PAK5: variants seen among roughly 807,000 people sequenced by gnomAD.
PAK5 encodes p21 (RAC1) activated kinase 5.
PAK5 carries 16 observed loss-of-function variants against 65.9 expected under a neutral mutation model. The observed-to-expected ratio is 0.24, with a 90% CI of 0.16 to 0.37. The LOEUF is 0.37. Ranked by LOEUF, PAK5 falls within the 10% of genes least tolerant of loss-of-function variation. The pLI is 1.00. For synonymous variants in PAK5, 371 were observed against 354.9 expected (o/e 1.05, Z -0.51); for missense variants, 785 against 903.9 (o/e 0.87, Z 1.69).
intron 2 of PAK5, among the ~76,000 whole-genome samples, chr20:9,658,648 G>GT (rs531101518): frequency 6.6e-6 from 1 of 152,132 alleles, no homozygotes; most frequent in South Asian, 2.1e-4. Context: ...ACCACAATAA[G>GT]TAACAGTGGC....
chr20:9,788,477 A>G (rs1455859251), intron 1 of PAK5, among the ~76,000 whole-genome samples: 1 of 152,090 alleles, frequency 6.6e-6, no homozygotes, highest in African/African-American at 2.4e-5. Context: ...AATTCCAAAG[A>G]GGGAATATGA....
chr20:9,685,250 T>C (rs1463870295), intron 2 of PAK5, among the ~76,000 whole-genome samples: 1 of 152,222 alleles, frequency 6.6e-6, no homozygotes, highest in Non-Finnish European at 1.5e-5. Flanking sequence ...TGGTGACTGG[T>C]GTCTGAGTGG....
In PAK5 at chr20:9,538,638, C is replaced by T. The variant is rs1310912004; in HGVS notation, c.*824G>A. On this transcript the variant is annotated 3_prime_UTR_variant, in exon 10 of 10. Transcript: ENST00000353224. ...TTGTGGTGTGCAAAAGAATGGTTTG[C>T]TACTAGAGGCGTTCATGGAAAATGT... 4.3e-6 allele frequency: 1 copy of T among 233,240 alleles called. No homozygotes were observed. Among genetic ancestry groups the T allele is most frequent in the Non-Finnish European group, 8.5e-6 (1 of 117,800 alleles). 14.4% of individuals were successfully genotyped at this position (233,240 alleles called of 1,614,324 possible).
intron 4 of PAK5, among the ~76,000 whole-genome samples, chr20:9,571,552 C>A (rs1032891392): frequency 1.3e-5 from 2 of 152,216 alleles, no homozygotes; most frequent in African/African-American, 4.8e-5. Context: ...GCCCACAGGC[C>A]GGCTCCCTTG....
chr20:9,544,869 C>T (rs1208363522), intron 7 of PAK5, among the ~76,000 whole-genome samples: 2 of 152,186 alleles, frequency 1.3e-5, no homozygotes, highest in Non-Finnish European at 2.9e-5. Flanking sequence ...ACATAAGTTG[C>T]TATTCTTAAT....
chr20:9,618,381 G>A (rs1278711860), intron 3 of PAK5, among the ~76,000 whole-genome samples: 1 of 151,132 alleles, frequency 6.6e-6, no homozygotes, highest in African/African-American at 2.4e-5. Context: ...TGATACACAG[G>A]ACAGACTATT....
At chr20:9,556,054 A>G (rs73241773) in intron 7 of PAK5, among the ~76,000 whole-genome samples, 1,907 of 152,346 alleles carry the variant, frequency 0.013, 36 homozygotes, top group African/African-American at 0.042. Context: ...AGGAGTCAGC[A>G]CAAATACTGG....
intron 1 of PAK5, among the ~76,000 whole-genome samples, chr20:9,808,342 T>A (rs895992635): frequency 1.4e-4 from 22 of 152,178 alleles, no homozygotes; most frequent in African/African-American, 4.6e-4. Context: ...TGAAAACAGT[T>A]TGGCCGTTCC....
intron 5 of PAK5, among the ~76,000 whole-genome samples, chr20:9,563,813 C>T (rs746954010): frequency 5.9e-5 from 9 of 152,132 alleles, no homozygotes; most frequent in Non-Finnish European, 1.2e-4. Context: ...AGCCCAGTCA[C>T]CTGGAACTCT....
chr20:9,686,108 G>A (rs1335342794), intron 2 of PAK5, among the ~76,000 whole-genome samples: 1 of 152,178 alleles, frequency 6.6e-6, no homozygotes, highest in Non-Finnish European at 1.5e-5. Flanking sequence ...AAATTCTTCA[G>A]TAATAGAATC....
intron 1 of PAK5, among the ~76,000 whole-genome samples, chr20:9,735,951 GA>G (rs1448422656): frequency 2.7e-5 from 4 of 150,584 alleles, no homozygotes; most frequent in African/African-American, 9.8e-5. Context: ...TCCTAGGCTG[GA>G]GTGCAATGGC....
At chr20:9,583,126 C>T (rs2046009286) in intron 3 of PAK5, among the ~76,000 whole-genome samples, 2 of 152,176 alleles carry the variant, frequency 1.3e-5, no homozygotes, top group African/African-American at 2.4e-5. Context: ...CCTCAGCAAA[C>T]AGAGCTCCGA....
At chr20:9,630,228 G>A (rs974539911) in intron 3 of PAK5, among the ~76,000 whole-genome samples, 11 of 152,134 alleles carry the variant, frequency 7.2e-5, no homozygotes, top group African/African-American at 2.7e-4. Flanking sequence ...AAAATGAAGA[G>A]GTTCACTCTC....
At chr20:9,831,922 A>C (rs1017074381) in intron 1 of PAK5, among the ~76,000 whole-genome samples, 1 of 152,212 alleles carries the variant, frequency 6.6e-6, no homozygotes, top group Non-Finnish European at 1.5e-5. Context: ...ATATACCTGC[A>C]TGATGTTTTC....
chr20:9,583,019 C>T lies in PAK5; in HGVS notation c.205-2089G>A, dbSNP rs763772678. ...TTTATCTTTTATTTTCCCTGCCCTT[C>T]CCCCCAAATCAGGCATTTCTCCAAG... On this transcript the variant is annotated intron_variant, in intron 3 of 9. Transcript: ENST00000353224. Among the ~76,000 whole-genome samples, 17 of 152,134 alleles carry T rather than the reference C, an allele frequency of 1.1e-4. No individual in the cohort carries two copies. The South Asian group carries it at 1.5e-3, about 13-fold the overall frequency.
intron 1 of PAK5, among the ~76,000 whole-genome samples, chr20:9,829,502 A>G (rs760864467): frequency 6.6e-6 from 1 of 152,226 alleles, no homozygotes; most frequent in African/African-American, 2.4e-5. Flanking sequence ...CATAGGTAAA[A>G]TACTTGGATG....
intron 6 of PAK5, 40 bp from the exon 7 acceptor site, chr20:9,557,774 AGAACATCTTT>A (rs1568961627): frequency 6.3e-7 from 1 of 1,577,942 alleles, no homozygotes. Context: ...GACAGGTTTA[AGAACATCTTT>A]GAAATGCTCA....
intron 1 of PAK5, among the ~76,000 whole-genome samples, chr20:9,763,553 T>C (rs1600342219): frequency 6.6e-6 from 1 of 152,060 alleles, no homozygotes; most frequent in South Asian, 2.1e-4. Context: ...AAAAACAATC[T>C]TGAAGCCCAA....
chr20:9,642,455 C>G (rs2047082080), intron 3 of PAK5, among the ~76,000 whole-genome samples: 1 of 152,138 alleles, frequency 6.6e-6, no homozygotes, highest in African/African-American at 2.4e-5. Flanking sequence ...GTCTTAGTTT[C>G]ATGTGAGAAT....
Sources: allele counts gnomAD v4.1 joint callset (sites outside exome capture counted in the v4.1 genomes callset), GRCh38; gene constraint gnomAD v4.1.1; transcripts MANE v1.5; gene names NCBI Gene and HGNC (gene_info 2026-07-23, HGNC 2026-07-21).